The following NFASC variants were observed in gnomAD, a reference collection of about 807,000 sequenced individuals.
NFASC encodes neurofascin.
Under a neutral mutation model 147.5 loss-of-function variants are expected in NFASC, and 43 were observed. The ratio of observed to expected loss-of-function variants is 0.29; its 90% CI spans 0.23 to 0.38. The LOEUF (loss-of-function observed/expected upper bound fraction) is 0.38, where lower values mean the gene tolerates loss of function less well. NFASC is among the 10% of genes least tolerant of loss of function. The pLI is 1.00. For synonymous variants in NFASC, 622 were observed against 665.5 expected (o/e 0.93, Z 1.01); for missense variants, 1,320 against 1,689.0 (o/e 0.78, Z 3.83).
chr1:204,979,322 C>T lies in NFASC; in HGVS notation c.1979-40C>T, dbSNP rs2150421187. ...TGCTTTTAAAGAAGACCACTGCTAA[C>T]TGAGCTCCCGAAACAGCTCTGTTTT... On this transcript the variant is annotated intron_variant, in intron 18 of 29. Transcript: ENST00000339876. This position sits in a 1 kb window ranked among gnomAD's most constrained non-coding sequence, Gnocchi z 6.0. The T allele has an allele frequency of 6.5e-7, 1 of 1,530,130 alleles. No homozygotes were observed. Among genetic ancestry groups the T allele is most frequent in the South Asian group, 1.1e-5 (1 of 89,418 alleles). The allele number at this position is 1,530,130 out of a possible 1,614,324, so 94.8% of individuals were successfully genotyped here.
intron 1 of NFASC, among the ~76,000 whole-genome samples, chr1:204,918,378 C>T (rs1450614997): frequency 6.6e-6 from 1 of 152,082 alleles, no homozygotes; most frequent in Non-Finnish European, 1.5e-5. Flanking sequence ...TATTTTACCT[C>T]CTTTTAGTGT....
intron 1 of NFASC, among the ~76,000 whole-genome samples, chr1:204,911,966 T>C (rs1427792340): frequency 1.3e-5 from 2 of 152,184 alleles, no homozygotes; most frequent in Non-Finnish European, 1.5e-5. Flanking sequence ...CTGCAGGGGC[T>C]ACAGTGGCAT....
intron 11 of NFASC, among the ~76,000 whole-genome samples, chr1:204,971,413 T>C (rs1361286029): frequency 6.6e-6 from 1 of 152,198 alleles, no homozygotes; most frequent in Non-Finnish European, 1.5e-5. Context: ...CAAAATGTCC[T>C]GTCCTTACTT....
chr1:204,974,905 T>A, intron 14 of NFASC, 82 bp downstream of exon 14: 1 of 1,420,544 alleles, frequency 7.0e-7, no homozygotes, highest in Non-Finnish European at 9.9e-7. Context: ...AATATTCACA[T>A]TGAAAATGCA....
intron 1 of NFASC, among the ~76,000 whole-genome samples, chr1:204,872,965 C>T (rs2078005785): frequency 6.6e-6 from 1 of 152,196 alleles, no homozygotes; most frequent in African/African-American, 2.4e-5. Flanking sequence ...CTGTCGGTGA[C>T]TGAGCCAGGC....
chr1:204,867,871 C>G (rs1397709354), intron 1 of NFASC, among the ~76,000 whole-genome samples: 1 of 152,220 alleles, frequency 6.6e-6, no homozygotes, highest in Non-Finnish European at 1.5e-5. Context: ...ACACCCTCCT[C>G]CAAGGCTCTC....
intron 2 of NFASC, among the ~76,000 whole-genome samples, chr1:204,936,156 A>G (rs537528205): frequency 1.3e-3 from 191 of 150,110 alleles, no homozygotes; most frequent in Non-Finnish European, 2.3e-3. Flanking sequence ...TCTGGACCCA[A>G]TGTGAAAACC....
chr1:204,982,384 A>G (rs1204651901), intron 21 of NFASC, among the ~76,000 whole-genome samples: 1 of 152,210 alleles, frequency 6.6e-6, no homozygotes, highest in African/African-American at 2.4e-5. Flanking sequence ...GCTAAGCCAT[A>G]CTAGTACCAA....
chr1:204,917,293 G>T (rs542761684), intron 1 of NFASC, among the ~76,000 whole-genome samples: 1 of 152,336 alleles, frequency 6.6e-6, no homozygotes, highest in South Asian at 2.1e-4. Flanking sequence ...CTATCATTCA[G>T]AAGAATTTCA....
At chr1:204,858,573 A>G (rs2076372333) in intron 1 of NFASC, among the ~76,000 whole-genome samples, 1 of 152,174 alleles carries the variant, frequency 6.6e-6, no homozygotes, top group Admixed American at 6.5e-5. Flanking sequence ...CCTGGATACT[A>G]GGCAGGAGGG....
chr1:204,945,373 A>AG (rs944435815), intron 3 of NFASC, among the ~76,000 whole-genome samples: 11 of 152,290 alleles, frequency 7.2e-5, no homozygotes, highest in Non-Finnish European at 1.5e-4. Flanking sequence ...ATGTCTGGGG[A>AG]GGGGGGCAGG....
chr1:204,868,950 C>G (rs1302910465), intron 1 of NFASC, among the ~76,000 whole-genome samples: 1 of 152,182 alleles, frequency 6.6e-6, no homozygotes, highest in Non-Finnish European at 1.5e-5. Flanking sequence ...AGAACTTTGC[C>G]CCTGACCTGG....
chr1:204,987,364 C>T lies in NFASC; in HGVS notation c.2471-54C>T, dbSNP rs1480393341. 2 of 1,553,532 alleles carry T rather than the reference C, an allele frequency of 1.3e-6. No individual in the cohort carries two copies. Among genetic ancestry groups the T allele is most frequent in the Non-Finnish European group, 1.8e-6 (2 of 1,136,202 alleles). On this transcript the variant is annotated intron_variant, in intron 21 of 29. Transcript: ENST00000339876. The surrounding 1 kb of genome is among the most constrained non-coding windows in gnomAD (Gnocchi z 4.4). Reference sequence around the variant, plus strand: ...TGTGCTTTGTTTTTTGTGTTTTCCTCATCCTCCCTGCCCCCTCCCCCTCAT... The same window carrying T: ...TGTGCTTTGTTTTTTGTGTTTTCCTTATCCTCCCTGCCCCCTCCCCCTCAT...
chr1:204,924,292 G>T (rs2091097526), intron 2 of NFASC, among the ~76,000 whole-genome samples: 1 of 152,228 alleles, frequency 6.6e-6, no homozygotes, highest in Non-Finnish European at 1.5e-5. Flanking sequence ...GCAGAAGGCT[G>T]CAGGGAGGGA....
chr1:204,977,147 G>A (rs1444874024), intron 16 of NFASC: 2 of 1,123,084 alleles, frequency 1.8e-6, no homozygotes, highest in Non-Finnish European at 2.2e-6. Context: ...CTTAAAGCAA[G>A]ACTGAGTTTG....
chr1:204,968,401 G>A lies in NFASC; in HGVS notation c.818+41G>A. On this transcript the variant is annotated intron_variant, in intron 9 of 29. Coordinates refer to ENST00000339876, the MANE Select transcript of NFASC (RefSeq NM_001005388.3). The surrounding 1 kb of genome is among the most constrained non-coding windows in gnomAD (Gnocchi z 5.4). ...AGCCCCTCTTCTAGCCACCCTCCAG[G>A]AGGATGGGGATGGGAGCTTGTTCAT... 6.9e-7 allele frequency: 1 copy of A among 1,456,812 alleles called. No homozygotes were observed. Among genetic ancestry groups the A allele is most frequent in the East Asian group, 2.3e-5 (1 of 44,056 alleles). 90.2% of individuals were successfully genotyped at this position (1,456,812 alleles called of 1,614,324 possible).
chr1:204,987,588 C>T lies in NFASC; in HGVS notation c.2593+48C>T. Reference sequence around the variant, plus strand: ...TCTTAGATAATCTGGGAACCAGAAACCCCATTCTCACCACTTTTCCTAAGG... The same window carrying T: ...TCTTAGATAATCTGGGAACCAGAAATCCCATTCTCACCACTTTTCCTAAGG... On this transcript the variant is annotated intron_variant, in intron 22 of 29. Transcript: ENST00000339876. The surrounding 1 kb of genome is among the most constrained non-coding windows in gnomAD (Gnocchi z 4.4). 3.1e-6 allele frequency: 5 copies of T among 1,608,032 alleles called. No homozygotes were observed. The highest frequency in any genetic ancestry group is 1.1e-5 in the South Asian group (1 of 90,826).
intron 1 of NFASC, among the ~76,000 whole-genome samples, chr1:204,901,764 C>T (rs886073922): frequency 1.3e-5 from 2 of 151,974 alleles, no homozygotes; most frequent in Non-Finnish European, 2.9e-5. Context: ...TAGGAAAGAG[C>T]CAGTGAAAAA....
At chr1:204,963,837 T>C (rs1331396017) in intron 8 of NFASC, among the ~76,000 whole-genome samples, 1 of 152,214 alleles carries the variant, frequency 6.6e-6, no homozygotes, top group Non-Finnish European at 1.5e-5. Flanking sequence ...AGTGCAGGCA[T>C]CTGGACAGAG....
Sources: allele counts gnomAD v4.1 joint callset (sites outside exome capture counted in the v4.1 genomes callset), GRCh38; gene constraint gnomAD v4.1.1; non-coding constraint Gnocchi (gnomAD v3.1); transcripts MANE v1.5; gene names NCBI Gene and HGNC (gene_info 2026-07-23, HGNC 2026-07-21).